Variants in DSE observed in about 807,000 individuals in gnomAD.
The protein encoded by DSE is dermatan-sulfate epimerase.
In DSE, 36 loss-of-function variants were observed where a neutral mutation model predicts 84.4. The observed-to-expected ratio is 0.43, with a 90% CI of 0.33 to 0.56. The LOEUF is 0.56. Among genes scored for constraint, DSE ranks in the 20% least tolerant of loss-of-function variants. The probability of loss-of-function intolerance (pLI) is 0.06; values close to 1 mark genes in which losing one functional copy is unlikely to be tolerated. For synonymous variants in DSE, 410 were observed against 430.1 expected (o/e 0.95, Z 0.58); for missense variants, 862 against 1,169.6 (o/e 0.74, Z 3.84).
chr6:116,279,710 C>T (rs1169814533), intron 2 of DSE: 6 of 1,611,238 alleles, frequency 3.7e-6, no homozygotes, highest in Middle Eastern at 1.6e-4. Context: ...TGTGTCGCCT[C>T]GCTTTGGTCG....
At chr6:116,296,726 G>A (rs181106038) in intron 2 of DSE, among the ~76,000 whole-genome samples, 1 of 152,272 alleles carries the variant, frequency 6.6e-6, no homozygotes, top group African/African-American at 2.4e-5. Context: ...TGGAAATGAG[G>A]TCAGAAAGAT....
At position 116,436,605 on chromosome 6, in the gene DSE, A is replaced by G. The variant is rs1784173019; in HGVS notation, c.2137A>G (p.Ile713Val). 6.2e-7 allele frequency: 1 copy of G among 1,614,190 alleles called. No homozygotes were observed. The highest frequency in any genetic ancestry group is 8.5e-7 in the Non-Finnish European group (1 of 1,180,024). Residue 713 changes from isoleucine (I) to valine (V), a missense_variant, in exon 6 of 6, where the codon ATT becomes GTT. This residue lies in a region of DSE where 315 missense variants were observed against 348.1 expected (regional missense o/e 0.90). Coordinates refer to ENST00000644252, the MANE Select transcript of DSE (RefSeq NM_013352.4). The part of the protein sequence containing the change: ...ATGQSAFAQV[I>V]ADRHKILFDR... ...AGGACAGTCTGCCTTTGCACAGGTC[A>G]TTGCTGATCGTCACAAAATTCTGTT...
intron 1 of DSE, among the ~76,000 whole-genome samples, chr6:116,392,666 C>T (rs888923836): frequency 2.0e-5 from 3 of 152,212 alleles, no homozygotes; most frequent in African/African-American, 4.8e-5. Flanking sequence ...CAGCCTCCTT[C>T]AAATGAAGTT....
At chr6:116,383,155 C>T (rs1217065642) in intron 1 of DSE, among the ~76,000 whole-genome samples, 1 of 152,154 alleles carries the variant, frequency 6.6e-6, no homozygotes. Context: ...CCCAACCCCA[C>T]CTTATTTAAA....
At chr6:116,334,245 C>A (rs1777113218) in intron 2 of DSE, among the ~76,000 whole-genome samples, 1 of 152,144 alleles carries the variant, frequency 6.6e-6, no homozygotes. Context: ...GTAGGCAAGT[C>A]CCCATTTCAA....
intron 2 of DSE, among the ~76,000 whole-genome samples, chr6:116,423,875 C>T (rs529939224): frequency 1.3e-5 from 2 of 152,254 alleles, no homozygotes; most frequent in East Asian, 3.9e-4. Flanking sequence ...GTGCCATAAA[C>T]TTTTTTCTTT....
chr6:116,389,367 T>C (rs999091280), intron 1 of DSE, among the ~76,000 whole-genome samples: 2 of 151,948 alleles, frequency 1.3e-5, no homozygotes, highest in Non-Finnish European at 2.9e-5. Flanking sequence ...AGGTGAATGA[T>C]AACTAGCTTT....
chr6:116,299,248 G>C (rs2114696332), intron 2 of DSE, among the ~76,000 whole-genome samples: 1 of 152,118 alleles, frequency 6.6e-6, no homozygotes, highest in Non-Finnish European at 1.5e-5. Context: ...GTTTGCAAGA[G>C]AAACAGAGGG....
At chr6:116,355,591 C>T (rs942796967) in intron 2 of DSE, 1 of 152,166 alleles carries the variant, frequency 6.6e-6, no homozygotes, top group Non-Finnish European at 1.5e-5. Context: ...TACATATACC[C>T]GCTTCTTTCA....
intron 2 of DSE, among the ~76,000 whole-genome samples, chr6:116,324,564 G>A (rs1428251960): frequency 3.3e-5 from 5 of 152,208 alleles, no homozygotes; most frequent in Admixed American, 6.5e-5. Flanking sequence ...TGCAGCGTAC[G>A]TAGCTTTGGA....
At chr6:116,321,625 A>G (rs1562228472) in intron 2 of DSE, among the ~76,000 whole-genome samples, 1 of 152,064 alleles carries the variant, frequency 6.6e-6, no homozygotes, top group African/African-American at 2.4e-5. Context: ...GTCTCTACTA[A>G]AAATAGAAAA....
chr6:116,421,457 ATATATATTTTTTTT>A (rs1783077332), intron 2 of DSE, among the ~76,000 whole-genome samples: 1 of 75,802 alleles, frequency 1.3e-5, no homozygotes, highest in African/African-American at 7.5e-5. Flanking sequence ...ATATATATAT[ATATATATTTTTTTT>A]TTTTTTTTTT....
intron 2 of DSE, among the ~76,000 whole-genome samples, chr6:116,422,145 T>A (rs1783133230): frequency 6.6e-6 from 1 of 152,218 alleles, no homozygotes; most frequent in South Asian, 2.1e-4. Context: ...CCTTTGTTAT[T>A]TTGCATGTGT....
At chr6:116,413,100 AT>A (rs1782485612) in intron 2 of DSE, among the ~76,000 whole-genome samples, 1 of 152,024 alleles carries the variant, frequency 6.6e-6, no homozygotes, top group Non-Finnish European at 1.5e-5. Context: ...TCCACCATTG[AT>A]GGGCACCTAG....
At chr6:116,395,843 T>C (rs1420324421) in intron 1 of DSE, among the ~76,000 whole-genome samples, 1 of 152,218 alleles carries the variant, frequency 6.6e-6, no homozygotes, top group Non-Finnish European at 1.5e-5. Flanking sequence ...ATAGAGATTT[T>C]TCAGTGAAAT....
At chr6:116,368,781 C>T (rs1779318767), upstream of DSE, among the ~76,000 whole-genome samples, 1 of 152,216 alleles carries the variant, frequency 6.6e-6, no homozygotes, top group East Asian at 1.9e-4. Context: ...CTCCTGAGAG[C>T]TTTCCTAATG....
intron 2 of DSE, among the ~76,000 whole-genome samples, chr6:116,332,552 G>C (rs1777014493): frequency 1.3e-5 from 2 of 152,104 alleles, no homozygotes; most frequent in Admixed American, 6.5e-5. Context: ...GTGATAATTA[G>C]GATAGTACAG....
intron 1 of DSE, among the ~76,000 whole-genome samples, chr6:116,395,126 G>A (rs1355730249): frequency 6.6e-6 from 1 of 152,276 alleles, no homozygotes; most frequent in African/African-American, 2.4e-5. Flanking sequence ...GTTTCATAGT[G>A]TTGAAAGTGG....
intron 2 of DSE, among the ~76,000 whole-genome samples, chr6:116,286,737 C>T (rs991141631): frequency 6.6e-6 from 1 of 152,122 alleles, no homozygotes; most frequent in African/African-American, 2.4e-5. Context: ...TTGATATAAT[C>T]ACCATGGATG....
Sources: allele counts gnomAD v4.1 joint callset (sites outside exome capture counted in the v4.1 genomes callset), GRCh38; gene constraint gnomAD v4.1.1; regional missense constraint gnomAD v4.1.1; transcripts MANE v1.5; gene names NCBI Gene and HGNC (gene_info 2026-07-23, HGNC 2026-07-21).